The following ROR1 variants were observed in gnomAD, a reference collection of about 807,000 sequenced individuals.
ROR1 encodes the protein inactive tyrosine-protein kinase transmembrane receptor ROR1.
In ROR1, 19 loss-of-function variants were observed where a neutral mutation model predicts 78.8. The observed-to-expected ratio is 0.24, with a 90% CI of 0.17 to 0.35. The LOEUF is 0.35. Among genes scored for constraint, ROR1 ranks in the 10% least tolerant of loss-of-function variants. The pLI is 1.00. For missense variants in ROR1, 917 were observed against 1,177.8 expected, an observed-to-expected ratio of 0.78 and a Z score of 3.24; for synonymous variants, 386 against 433.6, an observed-to-expected ratio of 0.89 and a Z score of 1.36.
chr1:64,024,722 C>T (rs944693974), intron 2 of ROR1, among the ~76,000 whole-genome samples: 3 of 152,164 alleles, frequency 2.0e-5, no homozygotes, highest in African/African-American at 7.2e-5. Context: ...TCCCTAGCAA[C>T]AGTGCAGGAG....
At chr1:63,976,401 A>G (rs1646161329) in intron 1 of ROR1, among the ~76,000 whole-genome samples, 1 of 152,192 alleles carries the variant, frequency 6.6e-6, no homozygotes, top group Non-Finnish European at 1.5e-5. Flanking sequence ...ATTTCAGAAA[A>G]CTGTTGATGC....
intron 1 of ROR1, among the ~76,000 whole-genome samples, chr1:63,862,168 G>A (rs1195360749): frequency 6.6e-6 from 1 of 152,004 alleles, no homozygotes; most frequent in Non-Finnish European, 1.5e-5. Context: ...CGAGGCAGGT[G>A]GATCACTTGA....
At chr1:63,985,738 A>T (rs1372960690) in intron 1 of ROR1, among the ~76,000 whole-genome samples, 5 of 150,928 alleles carry the variant, frequency 3.3e-5, no homozygotes, top group East Asian at 3.9e-4. Flanking sequence ...AATTATTATT[A>T]TTTTATATAT....
At chr1:63,867,690 G>T in intron 1 of ROR1, among the ~76,000 whole-genome samples, 1 of 152,298 alleles carries the variant, frequency 6.6e-6, no homozygotes, top group Middle Eastern at 3.4e-3. Context: ...CCTCGCCGAC[G>T]AAAATATTCC....
chr1:64,165,406 T>A (rs1239422202), intron 8 of ROR1, among the ~76,000 whole-genome samples: 6 of 152,192 alleles, frequency 3.9e-5, no homozygotes, highest in Admixed American at 3.9e-4. Context: ...AAAGTGTCTG[T>A]TCATGTCCTT....
intron 4 of ROR1, among the ~76,000 whole-genome samples, chr1:64,076,173 G>A (rs1304907624): frequency 6.6e-6 from 1 of 152,166 alleles, no homozygotes; most frequent in Non-Finnish European, 1.5e-5. Flanking sequence ...ATTTGAGGCT[G>A]TCTTTCTGTT....
intron 1 of ROR1, among the ~76,000 whole-genome samples, chr1:63,977,629 A>G (rs544311964): frequency 1.3e-5 from 2 of 152,322 alleles, no homozygotes; most frequent in South Asian, 4.1e-4. Flanking sequence ...GGCAAATGCT[A>G]TGGCATACTT....
intron 1 of ROR1, among the ~76,000 whole-genome samples, chr1:63,889,244 ATATACTAT>A (rs112782068): frequency 0.087 from 13,180 of 152,094 alleles, 1,608 homozygotes; most frequent in African/African-American, 0.28. Context: ...CACTTCTACC[ATATACTAT>A]TAGTCATAGA....
At chr1:64,130,227 TATAG>T (rs987089940) in intron 4 of ROR1, among the ~76,000 whole-genome samples, 34 of 152,276 alleles carry the variant, frequency 2.2e-4, no homozygotes, top group African/African-American at 8.2e-4. Flanking sequence ...TTCTCAACCC[TATAG>T]ATTTAAGGCT....
intron 1 of ROR1, among the ~76,000 whole-genome samples, chr1:63,894,660 T>A (rs977335802): frequency 7.2e-5 from 11 of 152,158 alleles, no homozygotes; most frequent in Admixed American, 5.2e-4. Flanking sequence ...AAGGACTTGA[T>A]TCTTTATTGT....
intron 1 of ROR1, among the ~76,000 whole-genome samples, chr1:63,889,671 A>G (rs905334077): frequency 2.0e-5 from 3 of 152,166 alleles, no homozygotes; most frequent in Non-Finnish European, 4.4e-5. Flanking sequence ...TTGCAAATTC[A>G]ATTCATTTCA....
chr1:63,930,479 T>C (rs1025384822), intron 1 of ROR1, among the ~76,000 whole-genome samples: 1 of 152,184 alleles, frequency 6.6e-6, no homozygotes, highest in Non-Finnish European at 1.5e-5. Context: ...CATCCTTGCA[T>C]AAAAAATTCA....
chr1:63,915,012 T>C (rs1441469455), intron 1 of ROR1, among the ~76,000 whole-genome samples: 2 of 152,312 alleles, frequency 1.3e-5, no homozygotes, highest in Non-Finnish European at 2.9e-5. Context: ...ACTGTGTTCA[T>C]AGCTACCCTT....
intron 1 of ROR1, among the ~76,000 whole-genome samples, chr1:63,787,438 T>TTTCTTTCC (rs1553131677): frequency 1.6e-5 from 2 of 127,738 alleles, no homozygotes; most frequent in Non-Finnish European, 3.3e-5. Flanking sequence ...ATTGCCTTTC[T>TTTCTTTCC]TTCCTTCCTT....
intron 1 of ROR1, among the ~76,000 whole-genome samples, chr1:63,940,498 C>CAGACAGAT (rs1230477303): frequency 0.025 from 1,915 of 75,172 alleles, 34 homozygotes; most frequent in African/African-American, 0.049. Context: ...GATAGACAGA[C>CAGACAGAT]AGATAGATAG....
intron 1 of ROR1, among the ~76,000 whole-genome samples, chr1:64,002,069 G>T (rs1197566666): frequency 1.3e-5 from 2 of 150,970 alleles, no homozygotes; most frequent in Non-Finnish European, 2.9e-5. Flanking sequence ...GCCTGTTTGT[G>T]GTCATGTACT....
intron 1 of ROR1, among the ~76,000 whole-genome samples, chr1:63,954,976 G>A (rs1645969425): frequency 6.6e-6 from 1 of 152,194 alleles, no homozygotes; most frequent in South Asian, 2.1e-4. Flanking sequence ...ATGGGATGGT[G>A]TGGGTTGTGG....
At chr1:64,040,076 TG>T (rs2100580476) in intron 2 of ROR1, among the ~76,000 whole-genome samples, 1 of 152,338 alleles carries the variant, frequency 6.6e-6, no homozygotes, top group South Asian at 2.1e-4. Flanking sequence ...AAGCTTCAAG[TG>T]ACTTCTTGGA....
chr1:64,162,118 G>A (rs1267933996), intron 8 of ROR1, among the ~76,000 whole-genome samples: 1 of 152,166 alleles, frequency 6.6e-6, no homozygotes, highest in Non-Finnish European at 1.5e-5. Flanking sequence ...TTGGAGGCGA[G>A]GATGAAAAAG....
Sources: gnomAD v4.1 joint callset for allele counts (sites outside exome capture counted in the v4.1 genomes callset) on GRCh38, gnomAD v4.1.1 for gene constraint, MANE v1.5 for transcripts, NCBI Gene and HGNC (gene_info 2026-07-23, HGNC 2026-07-21) for gene names.